The following MAPK8IP2 variants were observed in gnomAD, a reference collection of about 807,000 sequenced individuals.
MAPK8IP2 encodes the protein mitogen-activated protein kinase 8 interacting protein 2, also known as C-Jun-amino-terminal kinase-interacting protein 2.
MAPK8IP2 carries 15 observed loss-of-function variants against 75.6 expected under a neutral mutation model. The observed-to-expected ratio is 0.20, with a 90% CI of 0.13 to 0.31. The LOEUF is 0.31. MAPK8IP2 is among the 10% of genes least tolerant of loss of function. The pLI is 1.00. For missense variants in MAPK8IP2, 1,089 were observed against 1,211.2 expected, an observed-to-expected ratio of 0.90 and a Z score of 1.50; for synonymous variants, 632 against 554.5, an observed-to-expected ratio of 1.14 and a Z score of -1.96.
chr22:50,605,667 G>T lies in MAPK8IP2; in HGVS notation c.1947G>T (p.Thr649=). The T allele has an allele frequency of 6.2e-7, 1 of 1,612,402 alleles. No individual in the cohort carries two copies. Among genetic ancestry groups the T allele is most frequent in the Middle Eastern group, 1.7e-4 (1 of 6,060 alleles). Residue 649 remains threonine, a synonymous_variant, in exon 7 of 12, where the codon ACG becomes ACT. Coordinates refer to ENST00000329492, the MANE Select transcript of MAPK8IP2 (RefSeq NM_012324.6). ...GGTTCCGTGGCTTCAACATGCGCAC[G>T]GGGGAGCGCGGTGTGTTTCCTGCCT... ...DFWFRGFNMR[T]GERGVFPAFY... is the part of the protein sequence containing the mutation.
At position 50,604,230 on chromosome 22, in the gene MAPK8IP2, C is replaced by A; in HGVS notation, c.931C>A (p.Arg311Ser). The A allele has an allele frequency of 6.4e-7, 1 of 1,559,226 alleles. No individual in the cohort carries two copies. Among genetic ancestry groups the A allele is most frequent in the East Asian group, 2.4e-5 (1 of 42,396 alleles). ...GCCCGCCTCGGAGCCGGAGCCCCCG[C>A]GCGAACCCCCGCGCCGCCCCGCCTT... Reference protein sequence around the residue: ...SSPASEPEPPREPPRRPAFLP... With the variant: ...SSPASEPEPPSEPPRRPAFLP... The change falls in exon 5 of 12, where the codon CGC (arginine) becomes AGC (serine). Residue 311 changes from arginine (R) to serine (S), a missense_variant. This residue lies in a region of MAPK8IP2 where 960 missense variants were observed against 1,009.6 expected (regional missense o/e 0.95). Transcript: ENST00000329492.
Position 50,605,055 on chromosome 22 carries a change from C to A in MAPK8IP2, c.1756C>A (p.Arg586=). ...FLNVFVNSTS[R]SSSTESFGLF... ...CAATGTCTTCGTCAACAGCACATCT[C>A]GGTCCTCCAGTGAGTGAGAGGTGGG... Residue 586 remains arginine, a synonymous_variant, in exon 5 of 12, where the codon CGG becomes AGG. Coordinates refer to ENST00000329492, the MANE Select transcript of MAPK8IP2 (RefSeq NM_012324.6). 5 of 1,612,530 alleles carry A rather than the reference C, an allele frequency of 3.1e-6. No individual in the cohort carries two copies. The highest frequency in any genetic ancestry group is 4.2e-6 in the Non-Finnish European group (5 of 1,179,848).
At position 50,610,158 on chromosome 22, in the gene MAPK8IP2, T is replaced by G. The variant is rs2071123704; in HGVS notation, c.2304-54T>G. On this transcript the variant is annotated intron_variant, in intron 10 of 11. Coordinates refer to ENST00000329492, the MANE Select transcript of MAPK8IP2 (RefSeq NM_012324.6). The surrounding 1 kb of genome is among the most constrained non-coding windows in gnomAD (Gnocchi z 4.3). Reference sequence around the variant, plus strand: ...TCTTCTCTCTACATCATTTGTGGGGTGGCCAAGGCTGGGCCAGGGCTCTGA... The same window carrying G: ...TCTTCTCTCTACATCATTTGTGGGGGGGCCAAGGCTGGGCCAGGGCTCTGA... 2.2e-6 allele frequency: 3 copies of G among 1,340,810 alleles called. No individual in the cohort carries two copies. The African/African-American group carries it at 4.3e-5, about 19-fold the overall frequency. 83.1% of individuals were successfully genotyped at this position (1,340,810 alleles called of 1,614,324 possible). A position where few individuals can be genotyped will look rare whatever the true frequency, so the allele number is the denominator to read the frequency against.
Position 50,604,800 on chromosome 22 carries a change from G to T in MAPK8IP2, c.1501G>T (p.Asp501Tyr). The change falls in exon 5 of 12, where the codon GAC becomes TAC. Residue 501 changes from aspartate to tyrosine, a missense_variant. Coordinates refer to ENST00000329492, the MANE Select transcript of MAPK8IP2 (RefSeq NM_012324.6). ...GRGTGPSAPRDASLVYDAVKY... is the reference protein window; with the variant it reads ...GRGTGPSAPRYASLVYDAVKY... ...GGGCACGGGCCCCTCGGCGCCGCGG[G>T]ACGCGTCGCTGGTGTACGACGCGGT... is the stretch of plus-strand genomic sequence containing the variant. 6.5e-7 allele frequency: 1 copy of T among 1,549,734 alleles called. No homozygotes were observed. Among genetic ancestry groups the T allele is most frequent in the East Asian group, 2.4e-5 (1 of 41,092 alleles).
At chr22:50,606,482 G>A (rs751634685) in intron 8 of MAPK8IP2, among the ~76,000 whole-genome samples, 176 bp from the exon 9 acceptor site, 4 of 152,256 alleles carry the variant, frequency 2.6e-5, no homozygotes, top group Non-Finnish European at 5.9e-5. Context: ...CTCCTCCTGA[G>A]CCTGAGGAGT....
In MAPK8IP2 at chr22:50,607,562, C is replaced by T. The variant is rs1442676019; in HGVS notation, c.2303+571C>T. Among the ~76,000 whole-genome samples, 2 of 152,002 alleles carry T rather than the reference C, an allele frequency of 1.3e-5. No homozygotes were observed. Among genetic ancestry groups the T allele is most frequent in the Non-Finnish European group, 2.9e-5 (2 of 67,974 alleles). ...GGGGGCTGCTGAGGTTATACAGGTGCTATGTCCTGAGACCAAGTGTGCAGA... is the reference window on the plus strand; with the variant it reads ...GGGGGCTGCTGAGGTTATACAGGTGTTATGTCCTGAGACCAAGTGTGCAGA... On this transcript the variant is annotated intron_variant, in intron 10 of 11. Transcript: ENST00000329492. The surrounding 1 kb of genome is among the most constrained non-coding windows in gnomAD (Gnocchi z 5.6).
chr22:50,604,289 G>C lies in MAPK8IP2; in HGVS notation c.990G>C (p.Glu330Asp). The change falls in exon 5 of 12, where the codon GAG becomes GAC. Residue 330 changes from glutamate to aspartate, a missense_variant. By Grantham distance (45) the Glu-to-Asp change is conservative. Around this residue, in one of 2 missense-constraint regions of MAPK8IP2, gnomAD observed 960 missense variants for 1,009.6 expected, o/e 0.95. Transcript: ENST00000329492. Reference sequence around the variant, plus strand: ...TGGGCCCCGACGACACCAACAGCGAGTACGAGTCGGGGTCGGAGTCGGAGC... The same window carrying C: ...TGGGCCCCGACGACACCAACAGCGACTACGAGTCGGGGTCGGAGTCGGAGC... Reference protein sequence around the residue: ...LPVGPDDTNSEYESGSESEPD... With the variant: ...LPVGPDDTNSDYESGSESEPD... 1 of 1,564,198 alleles carries C rather than the reference G, an allele frequency of 6.4e-7. No homozygotes were observed. Among genetic ancestry groups the C allele is most frequent in the Non-Finnish European group, 8.6e-7 (1 of 1,162,828 alleles).
chr22:50,610,291 C>G lies in MAPK8IP2; in HGVS notation c.2383C>G (p.Pro795Ala). Residue 795 changes from proline (P) to alanine (A), a missense_variant, in exon 11 of 12, where the codon CCG becomes GCG. Pro to Ala is a conservative substitution (Grantham distance 27). Around this residue, in one of 2 missense-constraint regions of MAPK8IP2, gnomAD observed 129 missense variants for 201.7 expected, o/e 0.64. Transcript: ENST00000329492. The surrounding 1 kb of genome is among the most constrained non-coding windows in gnomAD (Gnocchi z 4.3). The part of the protein sequence containing the change: ...HVFVSQESMR[P>A]VAQSVGRAFL... The stretch of plus-strand genomic sequence containing the variant: ...CTTTGTCTCCCAGGAGTCCATGAGG[C>G]CGGTGGCGCAGAGTGTGGGGTGAGT... 1.2e-6 allele frequency: 2 copies of G among 1,605,220 alleles called. No individual in the cohort carries two copies. Among genetic ancestry groups the G allele is most frequent in the Non-Finnish European group, 1.7e-6 (2 of 1,175,846 alleles).
chr22:50,603,983 C>A lies in MAPK8IP2; in HGVS notation c.684C>A (p.Ile228=), dbSNP rs1208306224. The A allele has an allele frequency of 6.4e-7, 1 of 1,559,492 alleles. No homozygotes were observed. The highest frequency in any genetic ancestry group is 1.2e-5 in the South Asian group (1 of 85,684). ...GGTSPSSDPG[I]EADLRSRSSG... Reference sequence around the variant, plus strand: ...CTTCGCCCTCCTCAGATCCCGGCATCGAGGCTGACCTGAGAAGCCGCTCGA... The same window carrying A: ...CTTCGCCCTCCTCAGATCCCGGCATAGAGGCTGACCTGAGAAGCCGCTCGA... The change falls in exon 5 of 12, where the codon ATC becomes ATA. Residue 228 remains isoleucine (I), a synonymous_variant. Transcript: ENST00000329492.
Position 50,603,845 on chromosome 22 carries a change from C to T in MAPK8IP2, c.546C>T (p.Leu182=). ...CSPAPEALRE[L]PGPLPATDTG... ...CCCCACCTCCCTGCCCAGCAGAGCT[C>T]CCGGGCCCCCTCCCTGCCACGGACA... Residue 182 remains leucine (L), a synonymous_variant, in exon 5 of 12, where the codon CTC becomes CTT. Transcript: ENST00000329492. 1 of 1,527,786 alleles carries T rather than the reference C, an allele frequency of 6.5e-7. No individual in the cohort carries two copies. The highest frequency in any genetic ancestry group is 8.8e-7 in the Non-Finnish European group (1 of 1,138,316). The allele number at this position is 1,527,786 out of a possible 1,614,324, so 94.6% of individuals were successfully genotyped here. A position where few individuals can be genotyped will look rare whatever the true frequency, so the allele number is the denominator to read the frequency against.
chr22:50,607,447 C>T lies in MAPK8IP2; in HGVS notation c.2303+456C>T, dbSNP rs1461761387. ...TAGAAATGCCGGGGAAGACCTGGAC[C>T]CTTTTGATTATGCCAAGGAGCTGTA... On this transcript the variant is annotated intron_variant, in intron 10 of 11. Coordinates refer to ENST00000329492, the MANE Select transcript of MAPK8IP2 (RefSeq NM_012324.6). This position sits in a 1 kb window ranked among gnomAD's most constrained non-coding sequence, Gnocchi z 5.6. 6.6e-6 allele frequency among the ~76,000 whole-genome samples: 1 copy of T among 152,012 alleles called. No homozygotes were observed. The highest frequency in any genetic ancestry group is 1.5e-5 in the Non-Finnish European group (1 of 67,984).
At position 50,601,798 on chromosome 22, in the gene MAPK8IP2, G is replaced by A; in HGVS notation, c.75G>A (p.Gln25=). ...CTGGTCTCCTTTCCAGGCCTCCCCA[G>A]GACATAAGCCTGGAAGAATTTGACG... ...SLSPPGCRPP[Q]DISLEEFDDE... Residue 25 remains glutamine (Q), a synonymous_variant, in exon 2 of 12, where the codon CAG becomes CAA. Transcript: ENST00000329492. 6.2e-7 allele frequency: 1 copy of A among 1,613,628 alleles called. No individual in the cohort carries two copies. The highest frequency in any genetic ancestry group is 2.2e-5 in the East Asian group (1 of 44,878).
At position 50,610,753 on chromosome 22, in the gene MAPK8IP2, C is replaced by A; in HGVS notation, c.2449C>A (p.Pro817Thr). 6.2e-7 allele frequency: 1 copy of A among 1,611,114 alleles called. No homozygotes were observed. The highest frequency in any genetic ancestry group is 2.2e-5 in the East Asian group (1 of 44,760). Reference protein sequence around the residue: ...YYQEHLAYACPTEDIYLE With the variant: ...YYQEHLAYACTTEDIYLE The stretch of plus-strand genomic sequence containing the variant: ...CCAAGAGCACCTGGCGTACGCCTGC[C>A]CCACGGAGGACATCTACCTGGAGTA... The change falls in exon 12 of 12, where the codon CCC becomes ACC. Residue 817 changes from proline (P) to threonine (T), a missense_variant. Pro to Thr is a conservative substitution (Grantham distance 38). Coordinates refer to ENST00000329492, the MANE Select transcript of MAPK8IP2 (RefSeq NM_012324.6). This position sits in a 1 kb window ranked among gnomAD's most constrained non-coding sequence, Gnocchi z 4.3.
chr22:50,605,287 T>C, intron 5 of MAPK8IP2, 81 bp from the exon 6 acceptor site: 1 of 1,401,386 alleles, frequency 7.1e-7, no homozygotes, highest in Non-Finnish European at 9.9e-7. Flanking sequence ...GGACTTGGCC[T>C]CTGCCCAAGG....
intron 3 of MAPK8IP2, 21 bp downstream of exon 3, chr22:50,603,519 C>A (rs778307997): frequency 1.3e-6 from 2 of 1,566,408 alleles, no homozygotes; most frequent in Non-Finnish European, 8.7e-7. Flanking sequence ...GGACCCACAG[C>A]TCCCTGGAGC....
Position 50,605,694 on chromosome 22 carries a change from C to A in MAPK8IP2, c.1974C>A (p.Phe658Leu). Residue 658 changes from phenylalanine to leucine, a missense_variant, in exon 7 of 12, where the codon TTC becomes TTA. By Grantham distance (22) the Phe-to-Leu change is conservative. This residue lies in a region of MAPK8IP2 where 960 missense variants were observed against 1,009.6 expected (regional missense o/e 0.95). Transcript: ENST00000329492. ...GGGAGCGCGGTGTGTTTCCTGCCTT[C>A]TACGCCCATGCGGTGCCCGGCCCTG... Reference protein sequence around the residue: ...RTGERGVFPAFYAHAVPGPAK... With the variant: ...RTGERGVFPALYAHAVPGPAK... 1 of 1,612,052 alleles carries A rather than the reference C, an allele frequency of 6.2e-7. No homozygotes were observed.
At chr22:50,608,512 G>C (rs896871552) in intron 10 of MAPK8IP2, among the ~76,000 whole-genome samples, 4 of 145,376 alleles carry the variant, frequency 2.8e-5, no homozygotes, top group African/African-American at 7.7e-5. Context: ...GCGCAGACCA[G>C]ACAGCGGGGC....
At chr22:50,603,800 G>C (rs2070984701) in intron 4 of MAPK8IP2, 41 bp from the exon 5 acceptor site, 1 of 1,532,686 alleles carries the variant, frequency 6.5e-7, no homozygotes, top group Non-Finnish European at 8.8e-7. Context: ...GAAGAGGCCT[G>C]GGTGGTGCAG....
At chr22:50,606,553 T>G in intron 8 of MAPK8IP2, 105 bp from the exon 9 acceptor site, 2 of 808,512 alleles carry the variant, frequency 2.5e-6, no homozygotes, top group South Asian at 2.9e-5. Context: ...AGCATGTGTG[T>G]CCTCAAACAT....
Sources: gnomAD v4.1 joint callset for allele counts (sites outside exome capture counted in the v4.1 genomes callset) on GRCh38, gnomAD v4.1.1 for gene constraint, gnomAD v4.1.1 regional missense constraint, Gnocchi (gnomAD v3.1) non-coding constraint, MANE v1.5 for transcripts, NCBI Gene and HGNC (gene_info 2026-07-23, HGNC 2026-07-21) for gene names.